The following PGBD1 variants were observed in gnomAD, a reference collection of about 807,000 sequenced individuals.
PGBD1 encodes the protein piggyBac transposable element-derived protein 1.
Under a neutral mutation model 34.7 loss-of-function variants are expected in PGBD1, and 25 were observed. That is an observed-to-expected ratio of 0.72 (90% CI 0.52 to 1.00). The LOEUF (loss-of-function observed/expected upper bound fraction) is 1.00. Ranked by LOEUF, PGBD1 falls within the 50% of genes least tolerant of loss-of-function variation. The pLI, the probability that PGBD1 is intolerant of heterozygous loss-of-function variation, is 0.00. For missense variants in PGBD1, 830 were observed against 959.4 expected (o/e 0.87, Z 1.78); for synonymous variants, 292 against 335.7 (o/e 0.87, Z 1.42).
intron 4 of PGBD1, among the ~76,000 whole-genome samples, chr6:28,295,965 A>T (rs1318124003): frequency 1.3e-5 from 2 of 152,224 alleles, no homozygotes; most frequent in Non-Finnish European, 2.9e-5. Context: ...ACAGATATTC[A>T]TTCTCTAAAA....
chr6:28,298,592 A>C (rs1255112861), intron 6 of PGBD1, among the ~76,000 whole-genome samples: 1 of 152,180 alleles, frequency 6.6e-6, no homozygotes, highest in African/African-American at 2.4e-5. Flanking sequence ...CATTTCAGAT[A>C]AGGGAAAATT....
intron 3 of PGBD1, 134 bp from the exon 4 acceptor site, chr6:28,286,946 A>G (rs1762301324): frequency 4.3e-6 from 3 of 693,752 alleles, no homozygotes; most frequent in Non-Finnish European, 7.7e-6. Context: ...GCTCTTTCTC[A>G]CACTGTAAAA....
At chr6:28,287,032 T>C in intron 3 of PGBD1, 48 bp from the exon 4 acceptor site, 1 of 1,473,642 alleles carries the variant, frequency 6.8e-7, no homozygotes, top group South Asian at 1.1e-5. Context: ...AAGGGTACCC[T>C]AAAGGCCATC....
At chr6:28,291,550 C>CAAAAA (rs56160771) in intron 4 of PGBD1, among the ~76,000 whole-genome samples, 3 of 120,614 alleles carry the variant, frequency 2.5e-5, no homozygotes, top group Non-Finnish European at 3.8e-5. Context: ...TCAAATTCTT[C>CAAAAA]AAAAAAAAAA....
intron 6 of PGBD1, among the ~76,000 whole-genome samples, chr6:28,299,871 C>T (rs370806236): frequency 1.4e-4 from 21 of 151,872 alleles, no homozygotes; most frequent in South Asian, 1.0e-3. Context: ...CATGGTGGCA[C>T]GTGCCTGTAG....
rs1762394075 is a variant in PGBD1 at position 28,289,881 on chromosome 6, A to G, written c.642+2713A>G. ...TCAAAATCTAGAGGAATGGAATTAA[A>G]GCATATAATTTTTTTCTGTGTGTTT... On this transcript the variant is annotated intron_variant, in intron 4 of 6. Transcript: ENST00000682144. 2.0e-5 allele frequency among the ~76,000 whole-genome samples: 3 copies of G among 152,214 alleles called. No individual in the cohort carries two copies. The South Asian group carries it at 6.2e-4, about 31-fold the overall frequency.
At chr6:28,283,466 C>T (rs1762187587) in intron 1 of PGBD1, among the ~76,000 whole-genome samples, 1 of 152,190 alleles carries the variant, frequency 6.6e-6, no homozygotes, top group Non-Finnish European at 1.5e-5. Context: ...ATGAAGGCAG[C>T]CATCTGCCTC....
Position 28,302,311 on chromosome 6 carries a change from C to T in PGBD1, c.*27C>T, listed in dbSNP as rs1561894352. On this transcript the variant is annotated 3_prime_UTR_variant, in exon 7 of 7. Coordinates refer to ENST00000682144, the MANE Select transcript of PGBD1 (RefSeq NM_032507.4). The stretch of plus-strand genomic sequence containing the variant: ...GTACATAAAATGGACATAGTGCAGA[C>T]ATTAATAAGACATAGAAAAATAATA... 1.3e-6 allele frequency: 2 copies of T among 1,573,198 alleles called. No homozygotes were observed.
intron 1 of PGBD1, among the ~76,000 whole-genome samples, chr6:28,283,117 C>T (rs1025835406): frequency 2.6e-5 from 4 of 152,156 alleles, no homozygotes; most frequent in Non-Finnish European, 5.9e-5. Context: ...TTAACTTGGG[C>T]ATTTTGGTTC....
chr6:28,282,593 C>A (rs1762162145), intron 1 of PGBD1, among the ~76,000 whole-genome samples: 1 of 152,094 alleles, frequency 6.6e-6, no homozygotes, highest in Non-Finnish European at 1.5e-5. Flanking sequence ...CTGCAAGAGG[C>A]GTTTTTAAGA....
In PGBD1 at chr6:28,302,095, G is replaced by T; in HGVS notation, c.2241G>T (p.Ser747=). 1 of 1,614,036 alleles carries T rather than the reference G, an allele frequency of 6.2e-7. No homozygotes were observed. Among genetic ancestry groups the T allele is most frequent in the Non-Finnish European group, 8.5e-7 (1 of 1,179,986 alleles). Residue 747 remains serine (S), a synonymous_variant, in exon 7 of 7, where the codon TCG becomes TCT. Transcript: ENST00000682144. ...TAGCTAAAATGGATCAAATTATTTC[G>T]AAATACAGGGTGAGGATAAGAAGCA... ...EGVAKMDQII[S]KYRVRIRSKK...
At chr6:28,297,856 A>G (rs765810550) in intron 5 of PGBD1, 39 bp from the exon 6 acceptor site, 30 of 540,554 alleles carry the variant, frequency 5.5e-5, no homozygotes, top group Non-Finnish European at 8.2e-5. Context: ...CAAAATTCAC[A>G]TAACAGATGA....
intron 1 of PGBD1, among the ~76,000 whole-genome samples, chr6:28,282,410 A>G (rs1762156520): frequency 6.6e-6 from 1 of 152,098 alleles, no homozygotes; most frequent in African/African-American, 2.4e-5. Context: ...TTTAATGAAA[A>G]CTTTGTGTGT....
rs1401281295 is a variant in PGBD1 at position 28,301,553 on chromosome 6, G to T, written c.1699G>T (p.Gly567Cys). 6 of 1,614,140 alleles carry T rather than the reference G, an allele frequency of 3.7e-6. No individual in the cohort carries two copies. The highest frequency in any genetic ancestry group is 1.3e-5 in the African/African-American group (1 of 75,046). The change falls in exon 7 of 7, where the codon GGC becomes TGC. Residue 567 changes from glycine to cysteine, a missense_variant. Around this residue, in one of 3 missense-constraint regions of PGBD1, gnomAD observed 372 missense variants for 427.9 expected, o/e 0.87. Coordinates refer to ENST00000682144, the MANE Select transcript of PGBD1 (RefSeq NM_032507.4). ...QFLNGKPIRI[G>C]YKIWCGTTTQ... ...CCTGAATGGAAAGCCTATTAGAATTGGCTATAAAATTTGGTGTGGTACAAC... is the reference window on the plus strand; with the variant it reads ...CCTGAATGGAAAGCCTATTAGAATTTGCTATAAAATTTGGTGTGGTACAAC...
At position 28,282,730 on chromosome 6, in the gene PGBD1, G is replaced by A. The variant is rs1408221878; in HGVS notation, c.-39+812G>A. Reference sequence around the variant, plus strand: ...TTGAGGGACTCTGATTTCAGTTTGAGATCTGTTGAAATTATAGTGCAGTAG... The same window carrying A: ...TTGAGGGACTCTGATTTCAGTTTGAAATCTGTTGAAATTATAGTGCAGTAG... On this transcript the variant is annotated intron_variant, in intron 1 of 6. Coordinates refer to ENST00000682144, the MANE Select transcript of PGBD1 (RefSeq NM_032507.4). Among the ~76,000 whole-genome samples the A allele has an allele frequency of 4.6e-5, 7 of 152,270 alleles. No homozygotes were observed. In the East Asian group the frequency reaches 1.4e-3, roughly 29 times the overall value.
chr6:28,301,859 A>T lies in PGBD1; in HGVS notation c.2005A>T (p.Met669Leu). ...TATGAATGTAGAACATATGAAAAAA[A>T]TGAAGAGAGGGTATTTTGATTTCCG... ...PLMNVEHMKK[M>L]KRGYFDFRIE... Residue 669 changes from methionine to leucine, a missense_variant, in exon 7 of 7, where the codon ATG becomes TTG. By Grantham distance (15) the Met-to-Leu change is conservative. Around this residue, in one of 3 missense-constraint regions of PGBD1, gnomAD observed 372 missense variants for 427.9 expected, o/e 0.87. Transcript: ENST00000682144. The T allele has an allele frequency of 6.2e-7, 1 of 1,614,198 alleles. No individual in the cohort carries two copies. The highest frequency in any genetic ancestry group is 8.5e-7 in the Non-Finnish European group (1 of 1,180,040).
In PGBD1 at chr6:28,301,639, T is replaced by C. The variant is rs151181559; in HGVS notation, c.1785T>C (p.Asp595=). 3.7e-6 allele frequency: 6 copies of C among 1,614,200 alleles called. No individual in the cohort carries two copies. Among genetic ancestry groups the C allele is most frequent in the Non-Finnish European group, 5.1e-6 (6 of 1,180,032 alleles). The change falls in exon 7 of 7, where the codon GAT becomes GAC. Residue 595 remains aspartate, a synonymous_variant. Coordinates refer to ENST00000682144, the MANE Select transcript of PGBD1 (RefSeq NM_032507.4). ...AAGAAGAATCAACTATGAAGGTAGATGAGGATCCTGATCTTGGGTTAGGTG... is the reference window on the plus strand; with the variant it reads ...AAGAAGAATCAACTATGAAGGTAGACGAGGATCCTGATCTTGGGTTAGGTG... The part of the protein sequence containing the change: ...PYQEESTMKV[D]EDPDLGLGGN...
chr6:28,282,486 G>A (rs1377380092), intron 1 of PGBD1, among the ~76,000 whole-genome samples: 1 of 152,184 alleles, frequency 6.6e-6, no homozygotes, highest in Admixed American at 6.5e-5. Flanking sequence ...TTAATCCAGT[G>A]ACCATAGAAG....
In PGBD1 at chr6:28,301,884, G is replaced by T; in HGVS notation, c.2030G>T (p.Arg677Leu). The T allele has an allele frequency of 6.2e-7, 1 of 1,614,134 alleles. No individual in the cohort carries two copies. The highest frequency in any genetic ancestry group is 8.5e-7 in the Non-Finnish European group (1 of 1,180,024). ...KKMKRGYFDF[R>L]IEENNEIILC... ...ATGAAGAGAGGGTATTTTGATTTCC[G>T]AATAGAAGAAAACAATGAGATAATT... is the stretch of plus-strand genomic sequence containing the variant. Residue 677 changes from arginine (R) to leucine (L), a missense_variant, in exon 7 of 7, where the codon CGA becomes CTA. This residue lies in a region of PGBD1 where 372 missense variants were observed against 427.9 expected (regional missense o/e 0.87). Transcript: ENST00000682144.
Sources: gnomAD v4.1 joint callset for allele counts (sites outside exome capture counted in the v4.1 genomes callset) on GRCh38, gnomAD v4.1.1 for gene constraint, gnomAD v4.1.1 regional missense constraint, MANE v1.5 for transcripts, NCBI Gene and HGNC (gene_info 2026-07-23, HGNC 2026-07-21) for gene names.